The following GARRE1 variants were observed in gnomAD, a reference collection of about 807,000 sequenced individuals.
GARRE1 encodes the protein granule associated Rac and RHOG effector 1.
A neutral mutation model predicts 103.2 loss-of-function variants in GARRE1; 49 were observed. That is an observed-to-expected ratio of 0.47 (90% CI 0.38 to 0.60). GARRE1 has a LOEUF of 0.60. Among genes scored for constraint, GARRE1 ranks in the 20% least tolerant of loss-of-function variants. The probability of loss-of-function intolerance (pLI) is 0.00; values close to 1 mark genes in which losing one functional copy is unlikely to be tolerated. For missense variants in GARRE1, 1,199 were observed against 1,370.5 expected (o/e 0.87, Z 1.98); for synonymous variants, 505 against 532.8 (o/e 0.95, Z 0.72).
intron 1 of GARRE1, among the ~76,000 whole-genome samples, chr19:34,289,758 A>G (rs1007966501): frequency 1.5e-4 from 23 of 151,986 alleles, no homozygotes; most frequent in Non-Finnish European, 2.4e-4. Context: ...TATTAGGTTA[A>G]GCCATTTATT....
intron 8 of GARRE1, among the ~76,000 whole-genome samples, chr19:34,335,144 C>T (rs2074155433): frequency 6.6e-6 from 1 of 152,024 alleles, no homozygotes; most frequent in Non-Finnish European, 1.5e-5. Context: ...TAGTTTGAGC[C>T]AGACTGTGAA....
rs1210425319 is a variant in GARRE1, at chr19:34,353,481, T to C, written c.*526T>C. Reference sequence around the variant, plus strand: ...TCCTGCCTAAAATGCATTGAATATTTTAAGATAACAGATATACTGGCTGGA... The same window carrying C: ...TCCTGCCTAAAATGCATTGAATATTCTAAGATAACAGATATACTGGCTGGA... On this transcript the variant is annotated 3_prime_UTR_variant, in exon 14 of 14. Transcript: ENST00000299505. The C allele has an allele frequency of 6.4e-6, 1 of 155,166 alleles. No individual in the cohort carries two copies. The highest frequency in any genetic ancestry group is 2.4e-5 in the African/African-American group (1 of 41,570). The allele number at this position is 155,166 out of a possible 1,614,324, so 9.6% of individuals were successfully genotyped here.
Position 34,333,792 on chromosome 19 carries a change from C to T in GARRE1, c.1352C>T (p.Pro451Leu), listed in dbSNP as rs771595693. 6.3e-7 allele frequency: 1 copy of T among 1,594,840 alleles called. No homozygotes were observed. The highest frequency in any genetic ancestry group is 8.6e-7 in the Non-Finnish European group (1 of 1,162,652). ...GGCTCTAGAATCGTGGTTCAAGTCC[C>T]ATCCACATGGTAACGTGCCTCTTAC... ...LEGSRIVVQV[P>L]STWCLKEDPA... The change falls in exon 8 of 14, where the codon CCA (proline) becomes CTA (leucine). Residue 451 changes from proline (P) to leucine (L), a missense_variant. Pro to Leu is a moderately conservative substitution (Grantham distance 98). Transcript: ENST00000299505.
chr19:34,300,628 C>G lies in GARRE1; in HGVS notation c.155C>G (p.Ala52Gly), dbSNP rs752436465. 3.7e-6 allele frequency: 6 copies of G among 1,613,542 alleles called. No individual in the cohort carries two copies. The highest frequency in any genetic ancestry group is 2.2e-5 in the East Asian group (1 of 44,890). ...SAPLASTATTAPLGSLTAAGS... is the reference protein window; with the variant it reads ...SAPLASTATTGPLGSLTAAGS... ...CCCCTGGCATCCACGGCCACCACTG[C>G]CCCCCTGGGCAGTCTGACCGCTGCA... Residue 52 changes from alanine to glycine, a missense_variant, in exon 2 of 14, where the codon GCC (alanine) becomes GGC (glycine). Coordinates refer to ENST00000299505, the MANE Select transcript of GARRE1 (RefSeq NM_014686.5).
At chr19:34,333,204 G>A (rs980585768) in intron 7 of GARRE1, among the ~76,000 whole-genome samples, 2 of 152,044 alleles carry the variant, frequency 1.3e-5, no homozygotes, top group African/African-American at 4.8e-5. Context: ...ACCACACCCA[G>A]CTACTTTTTG....
chr19:34,327,572 C>T lies in GARRE1; in HGVS notation c.846+11C>T, dbSNP rs1457725223. ...GACAGTGCTTTGCAAGTAAGTTTTTCAGAACTGACATACTGATTTCCACGG... is the reference window on the plus strand; with the variant it reads ...GACAGTGCTTTGCAAGTAAGTTTTTTAGAACTGACATACTGATTTCCACGG... On this transcript the variant is annotated intron_variant, in intron 4 of 13. Transcript: ENST00000299505. 1.2e-6 allele frequency: 2 copies of T among 1,612,836 alleles called. No homozygotes were observed. The highest frequency in any genetic ancestry group is 1.7e-6 in the Non-Finnish European group (2 of 1,179,584).
intron 1 of GARRE1, among the ~76,000 whole-genome samples, chr19:34,259,029 G>T (rs1244191295): frequency 6.6e-6 from 1 of 152,108 alleles, no homozygotes; most frequent in Non-Finnish European, 1.5e-5. Context: ...TTATCTAGGT[G>T]TGGTGGTCCA....
intron 3 of GARRE1, among the ~76,000 whole-genome samples, chr19:34,325,447 C>T (rs2145265318): frequency 6.6e-6 from 1 of 152,308 alleles, no homozygotes; most frequent in African/African-American, 2.4e-5. Context: ...TGAGTGGTGC[C>T]ATCCCACACT....
At chr19:34,313,245 G>A (rs2145253332) in intron 2 of GARRE1, among the ~76,000 whole-genome samples, 1 of 152,346 alleles carries the variant, frequency 6.6e-6, no homozygotes, top group East Asian at 1.9e-4. Context: ...GAAGAGCGTA[G>A]CTGGAGAATG....
intron 4 of GARRE1, 41 bp from the exon 5 acceptor site, chr19:34,327,730 T>G: frequency 1.3e-6 from 2 of 1,564,824 alleles, no homozygotes; most frequent in Non-Finnish European, 1.8e-6. Context: ...ATCTTATAAT[T>G]TGCTTTACGA....
At chr19:34,306,562 G>A (rs1235888014) in intron 2 of GARRE1, among the ~76,000 whole-genome samples, 3 of 152,148 alleles carry the variant, frequency 2.0e-5, no homozygotes, top group Non-Finnish European at 4.4e-5. Flanking sequence ...TTGCCCCTTA[G>A]CCCGAGTGGT....
chr19:34,301,918 T>C (rs1048816151), intron 2 of GARRE1, among the ~76,000 whole-genome samples: 56 of 151,072 alleles, frequency 3.7e-4, no homozygotes, highest in African/African-American at 1.3e-3. Flanking sequence ...CTCCTGACCT[T>C]GTGATCTGCC....
chr19:34,330,883 C>T (rs928801497), intron 7 of GARRE1, among the ~76,000 whole-genome samples: 102 of 149,988 alleles, frequency 6.8e-4, no homozygotes, highest in African/African-American at 2.2e-3. Context: ...GGTAGGCACC[C>T]GCCACCACAT....
At chr19:34,347,707 C>T (rs1467701562) in intron 10 of GARRE1, among the ~76,000 whole-genome samples, 170 bp from the exon 11 acceptor site, 2 of 152,228 alleles carry the variant, frequency 1.3e-5, no homozygotes, top group African/African-American at 2.4e-5. Context: ...AGTCCCATCT[C>T]CCCACAGCAG....
chr19:34,308,026 C>A (rs1032147991), intron 2 of GARRE1, among the ~76,000 whole-genome samples: 11 of 151,084 alleles, frequency 7.3e-5, no homozygotes, highest in African/African-American at 2.7e-4. Flanking sequence ...CTTTTGTATA[C>A]TATGTGATTA....
chr19:34,306,249 C>T (rs989712537), intron 2 of GARRE1, among the ~76,000 whole-genome samples: 1 of 152,222 alleles, frequency 6.6e-6, no homozygotes, highest in African/African-American at 2.4e-5. Context: ...GGCAAGGCCT[C>T]TACTCAGGAG....
intron 2 of GARRE1, among the ~76,000 whole-genome samples, chr19:34,305,034 C>T (rs796325911): frequency 1.6e-4 from 24 of 152,082 alleles, no homozygotes; most frequent in East Asian, 5.8e-4. Context: ...CCTCGGGATC[C>T]GCCCGTCTCG....
At chr19:34,298,539 C>A (rs971045473) in intron 1 of GARRE1, among the ~76,000 whole-genome samples, 28 of 151,862 alleles carry the variant, frequency 1.8e-4, no homozygotes, top group African/African-American at 6.8e-4. Context: ...ATGGTGAAAC[C>A]CCATCTCTAC....
Position 34,326,964 on chromosome 19 carries a change from G to A in GARRE1, c.706-457G>A, listed in dbSNP as rs369555367. On this transcript the variant is annotated intron_variant, in intron 3 of 13. Coordinates refer to ENST00000299505, the MANE Select transcript of GARRE1 (RefSeq NM_014686.5). Reference sequence around the variant, plus strand: ...GAGGTCAGGAGTTCGAGGCCAGCCTGACCAACATCATGAAACCTTGTCTCT... The same window carrying A: ...GAGGTCAGGAGTTCGAGGCCAGCCTAACCAACATCATGAAACCTTGTCTCT... 1.2e-4 allele frequency among the ~76,000 whole-genome samples: 18 copies of A among 152,160 alleles called. No homozygotes were observed. In the South Asian group the frequency reaches 3.7e-3, roughly 32 times the overall value.
Sources: gnomAD v4.1 joint callset for allele counts (sites outside exome capture counted in the v4.1 genomes callset) on GRCh38, gnomAD v4.1.1 for gene constraint, MANE v1.5 for transcripts, NCBI Gene and HGNC (gene_info 2026-07-23, HGNC 2026-07-21) for gene names.